The following GOLIM4 variants were observed in gnomAD, a reference collection of about 807,000 sequenced individuals.
GOLIM4 encodes golgi integral membrane protein 4.
Under a neutral mutation model 107.4 loss-of-function variants are expected in GOLIM4, and 71 were observed. The ratio of observed to expected loss-of-function variants is 0.66; its 90% confidence interval spans 0.55 to 0.81. The LOEUF (loss-of-function observed/expected upper bound fraction) is 0.81, where lower values mean the gene tolerates loss of function less well. Ranked by LOEUF, GOLIM4 falls within the 30% of genes least tolerant of loss-of-function variation. GOLIM4 has a pLI of 0.00. For missense variants in GOLIM4, 830 were observed against 826.1 expected (o/e 1.00, Z -0.06); for synonymous variants, 327 against 294.8 (o/e 1.11, Z -1.12).
chr3:168,070,423 C>A (rs1196915236), intron 1 of GOLIM4, among the ~76,000 whole-genome samples: 1 of 152,042 alleles, frequency 6.6e-6, no homozygotes, highest in African/African-American at 2.4e-5. Flanking sequence ...AACAAAAAAT[C>A]CAAATTTTAT....
intron 13 of GOLIM4, 44 bp from the exon 14 acceptor site, chr3:168,024,638 G>A (rs745652295): frequency 5.5e-6 from 8 of 1,466,118 alleles, no homozygotes; most frequent in Non-Finnish European, 6.7e-6. Context: ...GTACATCAGA[G>A]ATGCCTTTTA....
rs1160227449 is a variant in GOLIM4 at position 168,039,254 on chromosome 3, G to GA, written c.684+1531dup. 5.1e-4 allele frequency among the ~76,000 whole-genome samples: 73 copies of GA among 144,446 alleles called. 3 individuals carry two copies. Among genetic ancestry groups the GA allele is most frequent in the South Asian group, 3.9e-3 (18 of 4,576 alleles). 94.8% of individuals were successfully genotyped at this position (144,446 alleles called of 152,430 possible). A position where few individuals can be genotyped will look rare whatever the true frequency, so the allele number is the denominator to read the frequency against. On this transcript the variant is annotated intron_variant, in intron 7 of 15. Transcript: ENST00000470487. ...ATAGAAAATTATAACTATATATTAAGAAAAAAAAAATTTTTTTTTTTTTTT... is the reference window on the plus strand; with the variant it reads ...ATAGAAAATTATAACTATATATTAAGAAAAAAAAAAATTTTTTTTTTTTTTT...
chr3:168,064,249 G>A (rs1463333124), intron 1 of GOLIM4, among the ~76,000 whole-genome samples: 1 of 152,194 alleles, frequency 6.6e-6, no homozygotes. Context: ...CTACTACACT[G>A]TGGGGCTACT....
At position 168,061,073 on chromosome 3, in the gene GOLIM4, A is replaced by G. The variant is rs765118026; in HGVS notation, c.188-12708T>C. 1.8e-3 allele frequency among the ~76,000 whole-genome samples: 276 copies of G among 152,160 alleles called. 2 individuals are homozygous for G. The highest frequency in any genetic ancestry group is 3.3e-3 in the Non-Finnish European group (224 of 68,012). On this transcript the variant is annotated intron_variant, in intron 1 of 15. Transcript: ENST00000470487. ...ATTGTTTGAATATAACATGACCTTC[A>G]GTTTTGCCAATAAAGCAAGCATATT...
At chr3:168,067,288 T>C (rs982473663) in intron 1 of GOLIM4, among the ~76,000 whole-genome samples, 1 of 152,074 alleles carries the variant, frequency 6.6e-6, no homozygotes, top group East Asian at 1.9e-4. Context: ...AATTTATGAA[T>C]GAAGAATACT....
In GOLIM4 at chr3:168,008,780, T is replaced by C. The variant is rs1393574706; in HGVS notation, c.*1489A>G. ...CTGGGACATTAAAAATACAAGCTAA[T>C]TTACCAAAATAATTGTATTCTGAAT... On this transcript the variant is annotated 3_prime_UTR_variant, in exon 16 of 16. Coordinates refer to ENST00000470487, the MANE Select transcript of GOLIM4 (RefSeq NM_014498.5). 6.6e-6 allele frequency: 1 copy of C among 152,090 alleles called. No homozygotes were observed. Among genetic ancestry groups the C allele is most frequent in the Non-Finnish European group, 1.5e-5 (1 of 68,006 alleles). The allele number at this position is 152,090 out of a possible 1,614,324, so 9.4% of individuals were successfully genotyped here.
Position 168,046,965 on chromosome 3 carries a change from T to C in GOLIM4, c.297A>G (p.Thr99=), listed in dbSNP as rs763655449. 5 of 1,363,318 alleles carry C rather than the reference T, an allele frequency of 3.7e-6. No individual in the cohort carries two copies. Among genetic ancestry groups the C allele is most frequent in the Non-Finnish European group, 5.0e-6 (5 of 993,498 alleles). 84.5% of individuals were successfully genotyped at this position (1,363,318 alleles called of 1,614,324 possible). Residue 99 remains threonine (T), a synonymous_variant, in exon 3 of 16, where the codon ACA becomes ACG. Coordinates refer to ENST00000470487, the MANE Select transcript of GOLIM4 (RefSeq NM_014498.5). Reference sequence around the variant, plus strand: ...CAAAACTTACCCTTCCTTTATTTAATGTTTCTTGTGCTTCTAACTTATAAA... The same window carrying C: ...CAAAACTTACCCTTCCTTTATTTAACGTTTCTTGTGCTTCTAACTTATAAA... ...FLVYKLEAQE[T]LNKGRQDSNS... is the part of the protein sequence containing the mutation.
chr3:168,032,934 G>T, intron 8 of GOLIM4, 82 bp from the exon 9 acceptor site: 2 of 1,029,816 alleles, frequency 1.9e-6, no homozygotes, highest in Non-Finnish European at 2.9e-6. Flanking sequence ...ATGTCTATGG[G>T]GCATGGGGCT....
intron 14 of GOLIM4, among the ~76,000 whole-genome samples, chr3:168,018,668 T>A (rs1560068893): frequency 6.6e-6 from 1 of 152,190 alleles, no homozygotes; most frequent in Non-Finnish European, 1.5e-5. Flanking sequence ...ATGAAAACAA[T>A]GAAGTACTTA....
intron 8 of GOLIM4, among the ~76,000 whole-genome samples, chr3:168,035,806 C>A (rs1405382249): frequency 6.6e-6 from 1 of 151,052 alleles, no homozygotes; most frequent in Non-Finnish European, 1.5e-5. Flanking sequence ...ACCACTTTGT[C>A]AGAAAGATAA....
chr3:168,080,521 G>A (rs555868503), intron 1 of GOLIM4, among the ~76,000 whole-genome samples: 17 of 152,256 alleles, frequency 1.1e-4, no homozygotes, highest in East Asian at 5.8e-4. Flanking sequence ...ATTAGACAGC[G>A]CAGTCGCCAA....
rs150048546 is a variant in GOLIM4, at chr3:168,054,103, C to T, written c.188-5738G>A. Among the ~76,000 whole-genome samples the T allele has an allele frequency of 1.0e-3, 153 of 152,334 alleles. 1 individual carries two copies. The Middle Eastern group carries it at 0.024, about 24-fold the overall frequency. On this transcript the variant is annotated intron_variant, in intron 1 of 15. Transcript: ENST00000470487. ...CAACCTCTCACAGATGACTCCCAAACCATGAAACCCAGATTTTACTTCTCA... is the reference window on the plus strand; with the variant it reads ...CAACCTCTCACAGATGACTCCCAAATCATGAAACCCAGATTTTACTTCTCA...
At chr3:168,076,251 T>C (rs971802753) in intron 1 of GOLIM4, among the ~76,000 whole-genome samples, 4 of 152,234 alleles carry the variant, frequency 2.6e-5, no homozygotes, top group African/African-American at 9.6e-5. Flanking sequence ...GGTAATTTTT[T>C]AAAAGTAAAG....
At chr3:168,012,804 A>G (rs930204721) in intron 14 of GOLIM4, among the ~76,000 whole-genome samples, 1 of 152,122 alleles carries the variant, frequency 6.6e-6, no homozygotes, top group African/African-American at 2.4e-5. Context: ...TCATAAGCGA[A>G]GGAGAAATAA....
rs1331180851 is a variant in GOLIM4, at chr3:168,080,892, G to T, written c.187+14207C>A. Among the ~76,000 whole-genome samples the T allele has an allele frequency of 3.3e-5, 5 of 152,134 alleles. No homozygotes were observed. In the East Asian group the frequency reaches 7.7e-4, roughly 23 times the overall value. On this transcript the variant is annotated intron_variant, in intron 1 of 15. Coordinates refer to ENST00000470487, the MANE Select transcript of GOLIM4 (RefSeq NM_014498.5). ...ACCTATATGCTGGTATGTGCAACCT[G>T]GGCTCTAAGAACTTTCTTTACTGCT...
At chr3:168,076,644 T>C (rs1161866513) in intron 1 of GOLIM4, among the ~76,000 whole-genome samples, 3 of 152,146 alleles carry the variant, frequency 2.0e-5, no homozygotes, top group East Asian at 1.9e-4. Context: ...TGAGCCAAGA[T>C]TGCACCACTA....
chr3:168,070,886 T>C (rs976157180), intron 1 of GOLIM4, among the ~76,000 whole-genome samples: 3 of 152,192 alleles, frequency 2.0e-5, no homozygotes, highest in Admixed American at 2.0e-4. Context: ...CCTTTAATAA[T>C]AAGTTCGCTC....
intron 1 of GOLIM4, among the ~76,000 whole-genome samples, chr3:168,090,299 G>A (rs572738126): frequency 3.3e-5 from 5 of 151,236 alleles, no homozygotes; most frequent in South Asian, 2.1e-4. Context: ...CTAATATCCA[G>A]AAGCTACAAG....
At chr3:168,082,737 G>C (rs1229754206) in intron 1 of GOLIM4, among the ~76,000 whole-genome samples, 2 of 152,020 alleles carry the variant, frequency 1.3e-5, no homozygotes, top group African/African-American at 2.4e-5. Flanking sequence ...ATACCACCAA[G>C]AGCAGGAGTT....
Sources: gnomAD v4.1 joint callset for allele counts (sites outside exome capture counted in the v4.1 genomes callset) on GRCh38, gnomAD v4.1.1 for gene constraint, MANE v1.5 for transcripts, NCBI Gene and HGNC (gene_info 2026-07-23, HGNC 2026-07-21) for gene names.